The following RABGAP1L variants were observed in gnomAD, a reference collection of about 807,000 sequenced individuals.
RABGAP1L encodes RAB GTPase activating protein 1 like.
RABGAP1L carries 63 observed loss-of-function variants against 137.7 expected under a neutral mutation model. That is an observed-to-expected ratio of 0.46 (90% confidence interval 0.37 to 0.56). The LOEUF (loss-of-function observed/expected upper bound fraction) is 0.56. RABGAP1L is among the 20% of genes least tolerant of loss of function. The probability of loss-of-function intolerance (pLI) is 0.00; values close to 1 mark genes in which losing one functional copy is unlikely to be tolerated. For synonymous variants in RABGAP1L, 431 were observed against 433.7 expected (o/e 0.99, Z 0.08); for missense variants, 1,095 against 1,244.0 (o/e 0.88, Z 1.80).
intron 21 of RABGAP1L, among the ~76,000 whole-genome samples, chr1:174,974,253 G>T (rs1440305240): frequency 2.6e-5 from 4 of 152,010 alleles, no homozygotes; most frequent in Non-Finnish European, 5.9e-5. Flanking sequence ...GCCTCCCAGG[G>T]TGCTGGGATT....
intron 17 of RABGAP1L, among the ~76,000 whole-genome samples, chr1:174,724,301 G>A (rs1005020282): frequency 2.0e-5 from 3 of 152,072 alleles, no homozygotes; most frequent in African/African-American, 4.8e-5. Flanking sequence ...ATTTCTAAAG[G>A]TTAAGTTATT....
At chr1:174,697,318 A>G (rs1205477851) in intron 15 of RABGAP1L, among the ~76,000 whole-genome samples, 1 of 151,622 alleles carries the variant, frequency 6.6e-6, no homozygotes, top group South Asian at 2.1e-4. Context: ...CAGTTCAGTT[A>G]TCTTTTTTTT....
intron 11 of RABGAP1L, among the ~76,000 whole-genome samples, chr1:174,359,339 C>G (rs1359353732): frequency 2.0e-5 from 3 of 152,134 alleles, no homozygotes; most frequent in African/African-American, 7.2e-5. Context: ...TCTTCAGCTC[C>G]TTTCTTCCTC....
intron 13 of RABGAP1L, among the ~76,000 whole-genome samples, chr1:174,499,650 G>T (rs1294099990): frequency 6.6e-6 from 1 of 152,120 alleles, no homozygotes; most frequent in Non-Finnish European, 1.5e-5. Flanking sequence ...GGGAGTGATG[G>T]CAATTATCTC....
At chr1:174,280,940 A>G (rs998702700) in intron 10 of RABGAP1L, among the ~76,000 whole-genome samples, 4 of 151,842 alleles carry the variant, frequency 2.6e-5, no homozygotes, top group South Asian at 2.1e-4. Context: ...TGGTGGGTTA[A>G]TGGTCTCACT....
intron 13 of RABGAP1L, among the ~76,000 whole-genome samples, chr1:174,463,632 G>T (rs1472657422): frequency 2.0e-5 from 3 of 151,890 alleles, no homozygotes; most frequent in African/African-American, 2.4e-5. Context: ...TGTACATTGT[G>T]CACATGTACC....
At chr1:174,941,909 T>C (rs1665954384) in intron 19 of RABGAP1L, among the ~76,000 whole-genome samples, 1 of 152,202 alleles carries the variant, frequency 6.6e-6, no homozygotes, top group Non-Finnish European at 1.5e-5. Flanking sequence ...TGTAAGTTTC[T>C]TGATGAAAGG....
At chr1:174,415,143 C>T (rs968150243) in intron 13 of RABGAP1L, among the ~76,000 whole-genome samples, 3 of 151,878 alleles carry the variant, frequency 2.0e-5, no homozygotes, top group Non-Finnish European at 2.9e-5. Flanking sequence ...TAACATTATT[C>T]GTTAGATTGT....
chr1:174,612,514 T>A (rs893412586), intron 13 of RABGAP1L, among the ~76,000 whole-genome samples: 67 of 152,186 alleles, frequency 4.4e-4, no homozygotes, highest in African/African-American at 1.6e-3. Context: ...GGTCTAAAAT[T>A]CTCTTTTTTG....
intron 20 of RABGAP1L, among the ~76,000 whole-genome samples, chr1:174,959,230 C>T (rs1425234217): frequency 1.3e-5 from 2 of 152,210 alleles, no homozygotes; most frequent in Admixed American, 6.5e-5. Context: ...ATGTAAATCA[C>T]ATAGCATGCT....
intron 10 of RABGAP1L, among the ~76,000 whole-genome samples, chr1:174,285,483 G>A (rs1675976856): frequency 6.8e-6 from 1 of 148,132 alleles, no homozygotes; most frequent in African/African-American, 2.5e-5. Flanking sequence ...TGAATGTTAA[G>A]TTTGTACCCT....
At chr1:174,895,955 C>T (rs1657086751) in intron 19 of RABGAP1L, among the ~76,000 whole-genome samples, 1 of 152,198 alleles carries the variant, frequency 6.6e-6, no homozygotes, top group Non-Finnish European at 1.5e-5. Context: ...TGGGTATATA[C>T]CCAGTAATGG....
intron 10 of RABGAP1L, among the ~76,000 whole-genome samples, chr1:174,288,820 G>A (rs74128338): frequency 0.046 from 6,935 of 151,570 alleles, 232 homozygotes; most frequent in Middle Eastern, 0.092. Context: ...CTTTTCCTTC[G>A]GATACTTCTG....
At chr1:174,409,615 G>A (rs1040486376) in intron 13 of RABGAP1L, among the ~76,000 whole-genome samples, 1 of 152,186 alleles carries the variant, frequency 6.6e-6, no homozygotes, top group African/African-American at 2.4e-5. Flanking sequence ...ATAAATGGAT[G>A]TGCAAGTAGG....
intron 17 of RABGAP1L, among the ~76,000 whole-genome samples, chr1:174,723,147 C>T (rs985790617): frequency 1.3e-5 from 2 of 151,984 alleles, no homozygotes; most frequent in Admixed American, 6.6e-5. Context: ...CAATCTCAGC[C>T]CACTGCAATC....
At chr1:174,727,654 T>A (rs1558023505) in intron 17 of RABGAP1L, among the ~76,000 whole-genome samples, 1 of 152,188 alleles carries the variant, frequency 6.6e-6, no homozygotes, top group African/African-American at 2.4e-5. Context: ...TTGTATATCT[T>A]AAAATGACAA....
chr1:174,772,190 T>G (rs904948657), intron 18 of RABGAP1L, among the ~76,000 whole-genome samples: 1 of 151,104 alleles, frequency 6.6e-6, no homozygotes, highest in African/African-American at 2.4e-5. Flanking sequence ...AGAGTCAGAC[T>G]GTCTCAAAAA....
chr1:174,261,382 G>A (rs1372968169), intron 7 of RABGAP1L, among the ~76,000 whole-genome samples: 1 of 152,168 alleles, frequency 6.6e-6, no homozygotes, highest in African/African-American at 2.4e-5. Context: ...GTTCAGTGAT[G>A]TGCCTCTTTT....
intron 13 of RABGAP1L, among the ~76,000 whole-genome samples, chr1:174,440,210 A>G (rs1420502831): frequency 2.6e-5 from 4 of 152,326 alleles, no homozygotes; most frequent in Middle Eastern, 3.4e-3. Context: ...GGATGGATGC[A>G]TAGAGACCAG....
Sources: allele counts gnomAD v4.1 joint callset (sites outside exome capture counted in the v4.1 genomes callset), GRCh38; gene constraint gnomAD v4.1.1; transcripts MANE v1.5; gene names NCBI Gene and HGNC (gene_info 2026-07-23, HGNC 2026-07-21).